SLC9B2: variants seen among roughly 807,000 people sequenced by gnomAD.
SLC9B2 encodes the protein sodium/hydrogen exchanger 9B2.
A neutral mutation model predicts 52.2 loss-of-function variants in SLC9B2; 39 were observed. The observed-to-expected ratio is 0.75, with a 90% CI of 0.58 to 0.98. The LOEUF (loss-of-function observed/expected upper bound fraction) is 0.98, where lower values mean the gene tolerates loss of function less well. Ranked by LOEUF, SLC9B2 falls within the 50% of genes least tolerant of loss-of-function variation. The probability of loss-of-function intolerance (pLI) is 0.00; values close to 1 mark genes in which losing one functional copy is unlikely to be tolerated. For synonymous variants in SLC9B2, 214 were observed against 227.0 expected, an observed-to-expected ratio of 0.94 and a Z score of 0.51; for missense variants, 626 against 637.5, an observed-to-expected ratio of 0.98 and a Z score of 0.19.
chr4:103,029,786 C>T (rs1742538465), intron 10 of SLC9B2, among the ~76,000 whole-genome samples: 1 of 152,070 alleles, frequency 6.6e-6, no homozygotes, highest in Admixed American at 6.6e-5. Flanking sequence ...AAATGCTGTA[C>T]TAAGCTTTAA....
In SLC9B2 at chr4:103,056,884, T is replaced by A. The variant is rs118002787; in HGVS notation, c.442+917A>T. On this transcript the variant is annotated intron_variant, in intron 4 of 11. Transcript: ENST00000394785. ...AAGTCACATATCATGAATGAGCAAG[T>A]GCAGTGTTACCATGAATGTTGGTTG... Among the ~76,000 whole-genome samples, 3 of 152,294 alleles carry A rather than the reference T, an allele frequency of 2.0e-5. No individual in the cohort carries two copies. The East Asian group carries it at 5.8e-4, about 29-fold the overall frequency.
chr4:103,076,971 TA>T (rs1747241522), upstream of SLC9B2: 1 of 152,284 alleles, frequency 6.6e-6, no homozygotes, highest in African/African-American at 2.4e-5. Context: ...AATGGCCGGA[TA>T]AAAGACTTGT....
At chr4:103,020,754 C>A (rs79690196), downstream of SLC9B2, among the ~76,000 whole-genome samples, 2,665 of 152,170 alleles carry the variant, frequency 0.018, 210 homozygotes, top group East Asian at 0.24. Context: ...CTCCTGCCTC[C>A]TGAGTAGCTG....
chr4:103,030,848 C>T (rs1190373435), intron 10 of SLC9B2, among the ~76,000 whole-genome samples: 1 of 152,064 alleles, frequency 6.6e-6, no homozygotes, highest in African/African-American at 2.4e-5. Context: ...AACAATTTCC[C>T]TTTACTCCCA....
At position 103,039,649 on chromosome 4, in the gene SLC9B2, C is replaced by CTTT. The variant is rs11464004; in HGVS notation, c.1146+3644_1146+3646dup. On this transcript the variant is annotated intron_variant, in intron 9 of 11. Transcript: ENST00000394785. ...TTTTTATATATTCAAATGGTATATTCTTTTTTTTTTTTTTTTGAGATGGAG... is the reference window on the plus strand; with the variant it reads ...TTTTTATATATTCAAATGGTATATTCTTTTTTTTTTTTTTTTTTTGAGATGGAG... Among the ~76,000 whole-genome samples, 9 of 129,176 alleles carry CTTT rather than the reference C, an allele frequency of 7.0e-5. 2 individuals carry two copies. Among genetic ancestry groups the CTTT allele is most frequent in the African/African-American group, 1.8e-4 (6 of 34,080 alleles). The allele number at this position is 129,176 out of a possible 152,430, so 84.7% of individuals were successfully genotyped here.
At chr4:103,059,461 G>A (rs1745440990) in intron 3 of SLC9B2, among the ~76,000 whole-genome samples, 1 of 152,098 alleles carries the variant, frequency 6.6e-6, no homozygotes, top group Admixed American at 6.6e-5. Context: ...ACTCTCAGCC[G>A]CTTCATCCAC....
chr4:103,042,983 C>G (rs1476410415), intron 9 of SLC9B2, among the ~76,000 whole-genome samples: 1 of 151,748 alleles, frequency 6.6e-6, no homozygotes, highest in East Asian at 1.9e-4. Flanking sequence ...ATTATTGAAG[C>G]ACTGTTTATC....
intron 3 of SLC9B2, among the ~76,000 whole-genome samples, chr4:103,063,516 C>G (rs939190482): frequency 1.3e-5 from 2 of 152,110 alleles, no homozygotes; most frequent in Admixed American, 1.3e-4. Context: ...TGCTATTATT[C>G]TTGAACACAA....
chr4:103,044,646 ATTAT>A (rs1467044634), intron 8 of SLC9B2, among the ~76,000 whole-genome samples: 1 of 152,198 alleles, frequency 6.6e-6, no homozygotes, highest in Admixed American at 6.5e-5. Context: ...TTGGAACGAT[ATTAT>A]TTGTTTTACA....
rs1742059222 is a variant in SLC9B2, at chr4:103,024,734, A to AT, written c.*1635dup. 6.6e-6 allele frequency among the ~76,000 whole-genome samples: 1 copy of AT among 152,210 alleles called. No individual in the cohort carries two copies. The highest frequency in any genetic ancestry group is 1.5e-5 in the Non-Finnish European group (1 of 68,032). ...ACACTTCAGGTACACAGATAACATG[A>AT]TAAAAACTGTAAACTGTATGTGAAT... On this transcript the variant is annotated 3_prime_UTR_variant, in exon 12 of 12. Coordinates refer to ENST00000394785, the MANE Select transcript of SLC9B2 (RefSeq NM_178833.7).
At position 103,026,204 on chromosome 4, in the gene SLC9B2, A is replaced by G; in HGVS notation, c.*166T>C. 1 of 605,144 alleles carries G rather than the reference A, an allele frequency of 1.7e-6. No homozygotes were observed. The highest frequency in any genetic ancestry group is 2.8e-6 in the Non-Finnish European group (1 of 353,310). 37.5% of individuals were successfully genotyped at this position (605,144 alleles called of 1,614,324 possible). A position where few individuals can be genotyped will look rare whatever the true frequency, so the allele number is the denominator to read the frequency against. On this transcript the variant is annotated 3_prime_UTR_variant, in exon 12 of 12. Coordinates refer to ENST00000394785, the MANE Select transcript of SLC9B2 (RefSeq NM_178833.7). ...GAGATTAAGGTTGGTGATATAGATC[A>G]TTACCACCCACATGGAAAGAGCAAG...
At chr4:103,043,874 C>T (rs552273652) in intron 8 of SLC9B2, among the ~76,000 whole-genome samples, 10 of 152,222 alleles carry the variant, frequency 6.6e-5, no homozygotes, top group Admixed American at 2.0e-4. Flanking sequence ...AAATATATAT[C>T]TCTATTATTT....
chr4:103,034,464 A>C (rs1742985563), intron 9 of SLC9B2, among the ~76,000 whole-genome samples: 1 of 152,180 alleles, frequency 6.6e-6, no homozygotes, highest in Non-Finnish European at 1.5e-5. Flanking sequence ...GGACCTTCTT[A>C]AACTAAAGAG....
chr4:103,023,707 T>C lies in SLC9B2; in HGVS notation c.*2663A>G, dbSNP rs1741969794. ...GAGATTTAGATGGTGGCTACCCTCTTAGAGGTAGAAAAGAGTTTGCTGCAT... is the reference window on the plus strand; with the variant it reads ...GAGATTTAGATGGTGGCTACCCTCTCAGAGGTAGAAAAGAGTTTGCTGCAT... On this transcript the variant is annotated 3_prime_UTR_variant, in exon 12 of 12. Coordinates refer to ENST00000394785, the MANE Select transcript of SLC9B2 (RefSeq NM_178833.7). 6.6e-6 allele frequency among the ~76,000 whole-genome samples: 1 copy of C among 152,168 alleles called. No individual in the cohort carries two copies. The highest frequency in any genetic ancestry group is 2.4e-5 in the African/African-American group (1 of 41,442).
At chr4:103,031,838 T>G in intron 9 of SLC9B2, 30 bp from the exon 10 acceptor site, 1 of 1,587,256 alleles carries the variant, frequency 6.3e-7, no homozygotes. Flanking sequence ...CACACAGATT[T>G]TTATTATGTG....
intron 2 of SLC9B2, 71 bp downstream of exon 2, chr4:103,067,390 G>T: frequency 7.2e-7 from 1 of 1,381,554 alleles, no homozygotes; most frequent in South Asian, 1.2e-5. Context: ...GTGTAAGTTT[G>T]GGGATAGGAG....
intron 4 of SLC9B2, among the ~76,000 whole-genome samples, chr4:103,054,331 T>C (rs72939329): frequency 2.3e-3 from 352 of 152,312 alleles, no homozygotes; most frequent in African/African-American, 8.2e-3. Context: ...AGCCAAGTTC[T>C]AGAATGAATG....
downstream of SLC9B2, chr4:103,019,780 G>C (rs1039048693): frequency 4.1e-6 from 4 of 985,530 alleles, no homozygotes; most frequent in African/African-American, 7.0e-5. Context: ...TTGGCTGTCC[G>C]CGCCGGCAGA....
At position 103,057,900 on chromosome 4, in the gene SLC9B2, G is replaced by T. The variant is rs1009631757; in HGVS notation, c.343C>A (p.Leu115Ile). The stretch of plus-strand genomic sequence containing the variant: ...TAGAATAGGATTATAATTCCAAATA[G>T]GTTTCCTCCAGGAAGACATTCACTG... ...TGSECLPGGN[L>I]FGIIILFYCA... The change falls in exon 4 of 12, where the codon CTA becomes ATA. Residue 115 changes from leucine (L) to isoleucine (I), a missense_variant. Coordinates refer to ENST00000394785, the MANE Select transcript of SLC9B2 (RefSeq NM_178833.7). 1.2e-6 allele frequency: 2 copies of T among 1,613,734 alleles called. No homozygotes were observed. Among genetic ancestry groups the T allele is most frequent in the Middle Eastern group, 1.6e-4 (1 of 6,082 alleles).
Sources: allele counts gnomAD v4.1 joint callset (sites outside exome capture counted in the v4.1 genomes callset), GRCh38; gene constraint gnomAD v4.1.1; transcripts MANE v1.5; gene names NCBI Gene and HGNC (gene_info 2026-07-23, HGNC 2026-07-21).